The following PRDM11 variants were observed in gnomAD, a reference collection of about 807,000 sequenced individuals.
PRDM11 encodes PR domain-containing protein 11.
PRDM11 carries 20 observed loss-of-function variants against 97.8 expected under a neutral mutation model. That is an observed-to-expected ratio of 0.20 (90% CI 0.14 to 0.30). The LOEUF (loss-of-function observed/expected upper bound fraction) is 0.30. PRDM11 is among the 10% of genes least tolerant of loss of function. The probability of loss-of-function intolerance (pLI) is 1.00; values close to 1 mark genes in which losing one functional copy is unlikely to be tolerated. For missense variants in PRDM11, 1,139 were observed against 1,555.2 expected (o/e 0.73, Z 4.50); for synonymous variants, 599 against 637.7 (o/e 0.94, Z 0.91).
At chr11:45,123,013 T>C (rs2135631068) in intron 1 of PRDM11, among the ~76,000 whole-genome samples, 1 of 152,256 alleles carries the variant, frequency 6.6e-6, no homozygotes, top group South Asian at 2.1e-4. Context: ...TGTTGTTTCC[T>C]GACTTTTTAA....
chr11:45,111,471 A>G (rs962150680), intron 1 of PRDM11, among the ~76,000 whole-genome samples: 1 of 152,122 alleles, frequency 6.6e-6, no homozygotes, highest in Non-Finnish European at 1.5e-5. Flanking sequence ...AGCTGGCCCA[A>G]CTGAAGGGTG....
At position 45,147,130 on chromosome 11, in the gene PRDM11, G is replaced by A. The variant is rs2171430; in HGVS notation, c.-7+253G>A. On this transcript the variant is annotated intron_variant, in intron 1 of 7. Transcript: ENST00000683152. ...GCTGCCGCCGCCGCGGGAGCCGGGG[G>A]CCGCCCTCCGCCTCCTTCCTCCCAG... 2.8e-4 allele frequency among the ~76,000 whole-genome samples: 43 copies of A among 151,326 alleles called. 1 individual carries two copies. Among genetic ancestry groups the A allele is most frequent in the African/African-American group, 8.7e-4 (36 of 41,324 alleles).
At chr11:45,205,662 G>A (rs1853481590) in intron 5 of PRDM11, among the ~76,000 whole-genome samples, 1 of 152,200 alleles carries the variant, frequency 6.6e-6, no homozygotes, top group Non-Finnish European at 1.5e-5. Context: ...GAGGCTGATG[G>A]TGGGATTGTA....
chr11:45,125,234 T>C (rs1293661196), intron 1 of PRDM11, among the ~76,000 whole-genome samples: 7 of 151,638 alleles, frequency 4.6e-5, no homozygotes, highest in Admixed American at 1.3e-4. Context: ...CTCTCTTTTC[T>C]TCTTTATTAG....
intron 5 of PRDM11, 137 bp downstream of exon 5, chr11:45,204,915 G>T: frequency 1.1e-6 from 1 of 872,532 alleles, no homozygotes. Flanking sequence ...GATGCATCTA[G>T]CTCTGAAGGA....
chr11:45,158,796 G>GC (rs1478857081), intron 1 of PRDM11, among the ~76,000 whole-genome samples: 5 of 151,968 alleles, frequency 3.3e-5, no homozygotes, highest in Non-Finnish European at 4.4e-5. Flanking sequence ...GCTTCTCGGT[G>GC]CCCCCCCTTC....
intron 1 of PRDM11, 125 bp from the exon 2 acceptor site, chr11:45,181,636 C>A: frequency 1.4e-6 from 1 of 719,814 alleles, no homozygotes; most frequent in Non-Finnish European, 2.4e-6. Flanking sequence ...CAAGTGCTTC[C>A]TCTGGGGATG....
At chr11:45,113,589 G>T (rs949086336) in intron 1 of PRDM11, among the ~76,000 whole-genome samples, 1 of 152,118 alleles carries the variant, frequency 6.6e-6, no homozygotes, top group East Asian at 1.9e-4. Context: ...AGCATGGGAT[G>T]TGTTTCCATT....
intron 1 of PRDM11, among the ~76,000 whole-genome samples, chr11:45,156,160 T>A (rs979063296): frequency 1.3e-5 from 2 of 152,108 alleles, no homozygotes; most frequent in African/African-American, 4.8e-5. Flanking sequence ...AACTTACAGA[T>A]TCCAAGTTCC....
At position 45,155,809 on chromosome 11, in the gene PRDM11, G is replaced by A. The variant is rs1851779582; in HGVS notation, c.-7+8932G>A. Among the ~76,000 whole-genome samples, 3 of 151,918 alleles carry A rather than the reference G, an allele frequency of 2.0e-5. No individual in the cohort carries two copies. In the South Asian group the frequency reaches 6.2e-4, roughly 32 times the overall value. On this transcript the variant is annotated intron_variant, in intron 1 of 7. Coordinates refer to ENST00000683152, the MANE Select transcript of PRDM11 (RefSeq NM_001384648.1). ...CTCCAGAAGAGCAAGCAGAAAAGGA[G>A]GATCCAGGGCAGAGTGTCTGGCTGC...
intron 4 of PRDM11, among the ~76,000 whole-genome samples, chr11:45,192,641 G>A (rs1852956303): frequency 6.6e-6 from 1 of 152,176 alleles, no homozygotes; most frequent in South Asian, 2.1e-4. Flanking sequence ...TGGCTTTCCA[G>A]TCCATTCTAC....
intron 2 of PRDM11, 81 bp downstream of exon 2, chr11:45,181,966 AACGTTCTC>A: frequency 7.7e-7 from 1 of 1,299,552 alleles, no homozygotes; most frequent in South Asian, 1.4e-5. Context: ...AACCCTGGGA[AACGTTCTC>A]ACTCCTTGCC....
chr11:45,140,169 C>A (rs1852972619), intron 1 of PRDM11, among the ~76,000 whole-genome samples: 1 of 152,196 alleles, frequency 6.6e-6, no homozygotes, highest in African/African-American at 2.4e-5. Flanking sequence ...ATAGCTTTAG[C>A]TTTATGAAAA....
In PRDM11 at chr11:45,219,547, C is replaced by T; in HGVS notation, c.555-23C>T. 2.5e-6 allele frequency: 4 copies of T among 1,603,626 alleles called. No individual in the cohort carries two copies. Among genetic ancestry groups the T allele is most frequent in the South Asian group, 1.1e-5 (1 of 90,204 alleles). On this transcript the variant is annotated intron_variant, in intron 5 of 7. Coordinates refer to ENST00000683152, the MANE Select transcript of PRDM11 (RefSeq NM_001384648.1). This position sits in a 1 kb window ranked among gnomAD's most constrained non-coding sequence, Gnocchi z 4.2. ...CAACAAAGGGTGGCCCGTGCGTTCT[C>T]ACCTGTCTCCCCTCCCCACCAGGTA...
At chr11:45,106,282 G>A (rs1193802561) in intron 1 of PRDM11, among the ~76,000 whole-genome samples, 3 of 152,126 alleles carry the variant, frequency 2.0e-5, no homozygotes, top group Admixed American at 6.5e-5. Context: ...CCAGCTTAAG[G>A]TGCAGGCTCC....
chr11:45,201,354 C>G (rs898534465), intron 4 of PRDM11, among the ~76,000 whole-genome samples: 3 of 152,160 alleles, frequency 2.0e-5, no homozygotes, highest in Non-Finnish European at 1.5e-5. Context: ...AGTTGGCTCT[C>G]AGTCAACATA....
intron 1 of PRDM11, among the ~76,000 whole-genome samples, chr11:45,167,424 C>G (rs2135713095): frequency 6.6e-6 from 1 of 152,228 alleles, no homozygotes; most frequent in South Asian, 2.1e-4. Context: ...CAGCAAACAT[C>G]AGGATCATCA....
At chr11:45,213,819 G>A (rs1565335219) in intron 5 of PRDM11, 1 of 433,946 alleles carries the variant, frequency 2.3e-6, no homozygotes. Flanking sequence ...AGGACTGGAA[G>A]CCAGGGTATC....
chr11:45,116,704 G>T (rs1399352054), intron 1 of PRDM11, among the ~76,000 whole-genome samples: 1 of 152,166 alleles, frequency 6.6e-6, no homozygotes, highest in East Asian at 1.9e-4. Flanking sequence ...CCAGTCTTTT[G>T]TACTTTGTTA....
Sources: gnomAD v4.1 joint callset for allele counts (sites outside exome capture counted in the v4.1 genomes callset) on GRCh38, gnomAD v4.1.1 for gene constraint, Gnocchi (gnomAD v3.1) non-coding constraint, MANE v1.5 for transcripts, NCBI Gene and HGNC (gene_info 2026-07-23, HGNC 2026-07-21) for gene names.